KIF2C: variants seen among roughly 807,000 people sequenced by gnomAD.
The protein encoded by KIF2C is kinesin-like protein KIF2C.
In KIF2C, 34 loss-of-function variants were observed where a neutral mutation model predicts 97.4. The ratio of observed to expected loss-of-function variants is 0.35; its 90% CI spans 0.27 to 0.46. The LOEUF is 0.46. KIF2C is among the 20% of genes least tolerant of loss of function. KIF2C has a pLI of 1.00. For missense variants in KIF2C, 750 were observed against 907.6 expected, an observed-to-expected ratio of 0.83 and a Z score of 2.23; for synonymous variants, 313 against 318.2, an observed-to-expected ratio of 0.98 and a Z score of 0.17.
chr1:44,762,296 G>A (rs1271148102), intron 17 of KIF2C, 50 bp from the exon 18 acceptor site: 1 of 1,502,264 alleles, frequency 6.7e-7, no homozygotes, highest in Non-Finnish European at 9.3e-7. Flanking sequence ...CATTCCTCTG[G>A]TGAGTACCAA....
In KIF2C at chr1:44,760,075, A is replaced by G. The variant is rs1557599367; in HGVS notation, c.1368-205A>G. Among the ~76,000 whole-genome samples, 1 of 152,174 alleles carries G rather than the reference A, an allele frequency of 6.6e-6. No homozygotes were observed. The highest frequency in any genetic ancestry group is 1.5e-5 in the Non-Finnish European group (1 of 68,022). ...CAAAGGCCCTAGTCCAGAATCCAGT[A>G]CTAATTTGGCTGCCAGGAAAATGTA... On this transcript the variant is annotated intron_variant, in intron 14 of 20. Transcript: ENST00000372224. This position sits in a 1 kb window ranked among gnomAD's most constrained non-coding sequence, Gnocchi z 4.2.
chr1:44,763,497 G>A (rs1199453187), intron 19 of KIF2C, among the ~76,000 whole-genome samples: 1 of 152,176 alleles, frequency 6.6e-6, no homozygotes, highest in Admixed American at 6.5e-5. Context: ...GAGTGAACAG[G>A]TGATGGAGGG....
chr1:44,740,867 C>A, intron 1 of KIF2C, 46 bp from the exon 2 acceptor site: 1 of 1,307,930 alleles, frequency 7.6e-7, no homozygotes, highest in Non-Finnish European at 1.1e-6. Context: ...AAAAGTGAAG[C>A]TCTCAGGAAA....
At chr1:44,762,247 C>A (rs752406743) in intron 17 of KIF2C, 99 bp from the exon 18 acceptor site, 2 of 1,128,830 alleles carry the variant, frequency 1.8e-6, no homozygotes, top group African/African-American at 1.5e-5. Flanking sequence ...GCCATTCCAT[C>A]CCCTTGGAGC....
Position 44,760,686 on chromosome 1 carries a change from A to T in KIF2C, c.1667A>T (p.Asn556Ile), listed in dbSNP as rs751235418. The T allele has an allele frequency of 2.5e-6, 4 of 1,613,778 alleles. No individual in the cohort carries two copies. The highest frequency in any genetic ancestry group is 1.7e-5 in the Admixed American group (1 of 60,012). ...CTGAGGGACTCCTTCATTGGGGAGA[A>T]CTCTAGGACTTGCATGGTGAGTAGG... Reference protein sequence around the residue: ...QVLRDSFIGENSRTCMIATIS... With the variant: ...QVLRDSFIGEISRTCMIATIS... Residue 556 changes from asparagine to isoleucine, a missense_variant, in exon 16 of 21, where the codon AAC (asparagine) becomes ATC (isoleucine). Coordinates refer to ENST00000372224, the MANE Select transcript of KIF2C (RefSeq NM_006845.4). This position sits in a 1 kb window ranked among gnomAD's most constrained non-coding sequence, Gnocchi z 4.2.
At chr1:44,750,704 C>G (rs1649466385) in intron 5 of KIF2C, 140 bp downstream of exon 5, 2 of 1,002,196 alleles carry the variant, frequency 2.0e-6, no homozygotes, top group South Asian at 7.6e-5. Flanking sequence ...ACACGGCTTT[C>G]TTATTTGGAA....
chr1:44,744,489 T>G (rs1042459717), intron 2 of KIF2C, among the ~76,000 whole-genome samples: 3 of 152,190 alleles, frequency 2.0e-5, no homozygotes, highest in South Asian at 4.1e-4. Flanking sequence ...AATGAGGCAG[T>G]TTACTGCTCT....
intron 19 of KIF2C, among the ~76,000 whole-genome samples, chr1:44,764,505 G>A (rs1650342981): frequency 6.8e-6 from 1 of 147,730 alleles, no homozygotes; most frequent in Non-Finnish European, 1.5e-5. Flanking sequence ...TTGTTTGTTT[G>A]TTTGTTTGTT....
chr1:44,744,522 C>G (rs1348922103), intron 2 of KIF2C, among the ~76,000 whole-genome samples: 3 of 152,342 alleles, frequency 2.0e-5, no homozygotes, highest in East Asian at 3.9e-4. Context: ...TTCCCTGCTG[C>G]CTTTACACTC....
chr1:44,752,429 C>T lies in KIF2C; in HGVS notation c.440-703C>T, dbSNP rs538757350. ...GATTACAGGCGTGAGCCACCGTGCC[C>T]GGCTATAAATTGAATTTTAAGATTT... is the stretch of plus-strand genomic sequence containing the variant. On this transcript the variant is annotated intron_variant, in intron 5 of 20. Transcript: ENST00000372224. Among the ~76,000 whole-genome samples the T allele has an allele frequency of 5.8e-3, 878 of 152,184 alleles. 1 individual carries two copies. Among genetic ancestry groups the T allele is most frequent in the Middle Eastern group, 0.01 (3 of 294 alleles).
At chr1:44,752,247 T>C (rs2148826210) in intron 5 of KIF2C, among the ~76,000 whole-genome samples, 1 of 149,200 alleles carries the variant, frequency 6.7e-6, no homozygotes, top group East Asian at 2.0e-4. Flanking sequence ...CATGCCATTC[T>C]CCCTCAGCCT....
chr1:44,752,997 C>A, intron 5 of KIF2C, 135 bp from the exon 6 acceptor site: 1 of 1,094,506 alleles, frequency 9.1e-7, no homozygotes, highest in South Asian at 1.7e-5. Context: ...AAGGGAAAAG[C>A]ACAAGCTCTG....
rs1343997967 is a variant in KIF2C at position 44,767,355 on chromosome 1, G to A, written c.*176G>A. ...GCTGGGGAGGGGGTCAGAGTGACAT[G>A]GGACACTCCTTTTCTGTTCCTCAGT... On this transcript the variant is annotated 3_prime_UTR_variant, in exon 21 of 21. Coordinates refer to ENST00000372224, the MANE Select transcript of KIF2C (RefSeq NM_006845.4). The A allele has an allele frequency of 5.2e-6, 3 of 573,516 alleles. No homozygotes were observed. The highest frequency in any genetic ancestry group is 2.0e-5 in the South Asian group (1 of 50,790). The allele number at this position is 573,516 out of a possible 1,614,324, so 35.5% of individuals were successfully genotyped here.
rs758059782 is a variant in KIF2C at position 44,767,146 on chromosome 1, C to G, written c.2145C>G (p.Ser715Arg). Residue 715 changes from serine (S) to arginine (R), a missense_variant, in exon 21 of 21, where the codon AGC becomes AGG. Ser to Arg is a moderately radical substitution (Grantham distance 110). Transcript: ENST00000372224. ...CCATGCAGCTGGAAGAGCAGGCTAG[C>G]AGACAAATAAGCAGCAAGAAACGGC... ...RLAMQLEEQASRQISSKKRPQ is the reference protein window; with the variant it reads ...RLAMQLEEQARRQISSKKRPQ 6.2e-7 allele frequency: 1 copy of G among 1,614,022 alleles called. No individual in the cohort carries two copies. The highest frequency in any genetic ancestry group is 8.5e-7 in the Non-Finnish European group (1 of 1,179,956).
At chr1:44,764,493 T>TTTTG (rs763744086) in intron 19 of KIF2C, among the ~76,000 whole-genome samples, 167 of 146,084 alleles carry the variant, frequency 1.1e-3, no homozygotes, top group Middle Eastern at 4.4e-3. Context: ...TCTGGTTGGT[T>TTTTG]TTTGTTTGTT....
chr1:44,743,044 C>T (rs1649014738), intron 2 of KIF2C, among the ~76,000 whole-genome samples: 1 of 152,154 alleles, frequency 6.6e-6, no homozygotes, highest in Admixed American at 6.6e-5. Context: ...AGAAGCTGGC[C>T]ACGAGCAGTG....
rs541223496 is a variant in KIF2C, at chr1:44,753,364, CGTG to C, written c.562+112_562+114del. The C allele has an allele frequency of 1.4e-5, 17 of 1,228,088 alleles. No homozygotes were observed. In the South Asian group the frequency reaches 2.5e-4, roughly 18 times the overall value. 76.1% of individuals were successfully genotyped at this position (1,228,088 alleles called of 1,614,324 possible). On this transcript the variant is annotated intron_variant, in intron 6 of 20. Transcript: ENST00000372224. ...ACCTGAGTTCAAGCCCTGTTTGTCA[CGTG>C]GGGGCATGTTTTCCTCTGGCCATGG...
intron 19 of KIF2C, among the ~76,000 whole-genome samples, chr1:44,763,471 G>A (rs553547407): frequency 5.3e-5 from 8 of 152,124 alleles, no homozygotes; most frequent in Non-Finnish European, 1.0e-4. Flanking sequence ...GAGGCTCACC[G>A]TGGTCAGAGC....
intron 4 of KIF2C, among the ~76,000 whole-genome samples, chr1:44,749,682 T>C (rs375174164): frequency 2.6e-5 from 4 of 151,172 alleles, no homozygotes; most frequent in South Asian, 2.1e-4. Flanking sequence ...CCTGAACTTA[T>C]AATACTCAGA....
Sources: allele counts gnomAD v4.1 joint callset (sites outside exome capture counted in the v4.1 genomes callset), GRCh38; gene constraint gnomAD v4.1.1; non-coding constraint Gnocchi (gnomAD v3.1); transcripts MANE v1.5; gene names NCBI Gene and HGNC (gene_info 2026-07-23, HGNC 2026-07-21).